Variants in MAGI2 observed in about 807,000 individuals in gnomAD.
MAGI2 encodes the protein membrane associated guanylate kinase, WW and PDZ domain containing 2, also known as membrane-associated guanylate kinase, WW and PDZ domain-containing protein 2.
MAGI2 carries 35 observed loss-of-function variants against 133.3 expected under a neutral mutation model. That is an observed-to-expected ratio of 0.26 (90% CI 0.20 to 0.35). MAGI2 has a LOEUF of 0.35. MAGI2 is among the 10% of genes least tolerant of loss of function. The pLI is 1.00. For synonymous variants in MAGI2, 729 were observed against 710.6 expected (o/e 1.03, Z -0.41); for missense variants, 1,636 against 1,863.4 (o/e 0.88, Z 2.25).
At chr7:78,424,170 T>A (rs117836946) in intron 6 of MAGI2, among the ~76,000 whole-genome samples, 1 of 152,234 alleles carries the variant, frequency 6.6e-6, no homozygotes, top group East Asian at 1.9e-4. Context: ...TCTACAGACT[T>A]GGTGCCCTGT....
chr7:78,739,093 G>A (rs1822146713), intron 2 of MAGI2, among the ~76,000 whole-genome samples: 1 of 152,160 alleles, frequency 6.6e-6, no homozygotes, highest in Non-Finnish European at 1.5e-5. Context: ...AGCATTGATT[G>A]TTTTCAAGTA....
intron 1 of MAGI2, among the ~76,000 whole-genome samples, chr7:79,258,313 GC>G (rs770594273): frequency 2.6e-5 from 4 of 152,162 alleles, no homozygotes; most frequent in Admixed American, 6.5e-5. Context: ...AAAATAAATT[GC>G]TTTTAAATAA....
Position 78,081,980 on chromosome 7 carries a change from G to C in MAGI2, c.3568-2895C>G, listed in dbSNP as rs552716120. Among the ~76,000 whole-genome samples, 6 of 152,286 alleles carry C rather than the reference G, an allele frequency of 3.9e-5. No individual in the cohort carries two copies. In the South Asian group the frequency reaches 1.2e-3, roughly 32 times the overall value. On this transcript the variant is annotated intron_variant, in intron 20 of 21. Transcript: ENST00000354212. Reference sequence around the variant, plus strand: ...AGGTGCACTGAATATATTGGTGAATGAGTGAAGTACTTCCACATGGGTTAT... The same window carrying C: ...AGGTGCACTGAATATATTGGTGAATCAGTGAAGTACTTCCACATGGGTTAT...
chr7:79,391,886 A>G (rs943595722), intron 1 of MAGI2, among the ~76,000 whole-genome samples: 6 of 151,862 alleles, frequency 4.0e-5, no homozygotes, highest in Admixed American at 2.6e-4. Context: ...GGGTTTCACC[A>G]TGTTAGCCAG....
chr7:79,219,907 A>C (rs551814633), intron 1 of MAGI2, among the ~76,000 whole-genome samples: 2 of 152,168 alleles, frequency 1.3e-5, no homozygotes, highest in South Asian at 4.1e-4. Flanking sequence ...TTCCTATAGA[A>C]AATTGAGATT....
At chr7:78,688,187 G>A (rs569026829) in intron 2 of MAGI2, among the ~76,000 whole-genome samples, 1 of 152,056 alleles carries the variant, frequency 6.6e-6, no homozygotes, top group Non-Finnish European at 1.5e-5. Context: ...AAGGCTTTGT[G>A]GTAGCTGTAC....
At chr7:78,858,735 TG>T (rs1793880919) in intron 2 of MAGI2, among the ~76,000 whole-genome samples, 1 of 152,210 alleles carries the variant, frequency 6.6e-6, no homozygotes, top group Non-Finnish European at 1.5e-5. Flanking sequence ...TCTGTTAATT[TG>T]GGGTGGAGAG....
At chr7:79,267,823 TAGG>T (rs1364174153) in intron 1 of MAGI2, among the ~76,000 whole-genome samples, 2 of 152,144 alleles carry the variant, frequency 1.3e-5, no homozygotes, top group African/African-American at 2.4e-5. Flanking sequence ...ACCCTCTTCA[TAGG>T]AGAAATGCAG....
At chr7:79,362,708 G>A (rs980956285) in intron 1 of MAGI2, among the ~76,000 whole-genome samples, 1 of 151,950 alleles carries the variant, frequency 6.6e-6, no homozygotes, top group African/African-American at 2.4e-5. Flanking sequence ...AATGAATGCA[G>A]ATAAAGCCTT....
chr7:78,628,909 T>G (rs1301756997), intron 2 of MAGI2, among the ~76,000 whole-genome samples: 1 of 151,624 alleles, frequency 6.6e-6, no homozygotes, highest in Non-Finnish European at 1.5e-5. Flanking sequence ...TTCTGTTTAT[T>G]TAGAACACAC....
intron 1 of MAGI2, among the ~76,000 whole-genome samples, chr7:79,113,728 G>T (rs917347621): frequency 2.6e-5 from 4 of 151,972 alleles, no homozygotes; most frequent in African/African-American, 9.7e-5. Context: ...ACTGAAATTT[G>T]TGCACATTGT....
chr7:78,183,967 G>T (rs34697981), intron 13 of MAGI2, among the ~76,000 whole-genome samples: 3 of 151,948 alleles, frequency 2.0e-5, no homozygotes, highest in African/African-American at 7.2e-5. Context: ...TCTTCAAAAT[G>T]TGAATTGCAC....
intron 4 of MAGI2, among the ~76,000 whole-genome samples, chr7:78,505,380 T>C (rs1794993497): frequency 6.6e-6 from 1 of 152,180 alleles, no homozygotes; most frequent in Non-Finnish European, 1.5e-5. Flanking sequence ...CCCTTAATGA[T>C]AGAGTCTCCT....
chr7:78,026,126 C>A (rs1195314586), intron 21 of MAGI2: 1 of 152,518 alleles, frequency 6.6e-6, no homozygotes, highest in Non-Finnish European at 1.5e-5. Flanking sequence ...ATTGATTAAT[C>A]CATAAGTACA....
chr7:79,028,235 G>GTGTATA (rs1491124887), intron 1 of MAGI2, among the ~76,000 whole-genome samples: 6 of 29,328 alleles, frequency 2.0e-4, no homozygotes, highest in East Asian at 1.1e-3. Context: ...ATATATGTAT[G>GTGTATA]TATATATATA....
At position 79,309,268 on chromosome 7, in the gene MAGI2, A is replaced by G. The variant is rs375961627; in HGVS notation, c.301+143752T>C. ...ACATGCAGGATGGAAGAAGAATAAA[A>G]GGCAATACATATAGATAAATCTTTC... On this transcript the variant is annotated intron_variant, in intron 1 of 21. Coordinates refer to ENST00000354212, the MANE Select transcript of MAGI2 (RefSeq NM_012301.4). Among the ~76,000 whole-genome samples, 11 of 152,114 alleles carry G rather than the reference A, an allele frequency of 7.2e-5. No individual in the cohort carries two copies. The East Asian group carries it at 1.5e-3, about 21-fold the overall frequency.
At chr7:78,024,528 C>A (rs948407161) in intron 21 of MAGI2, among the ~76,000 whole-genome samples, 1 of 152,190 alleles carries the variant, frequency 6.6e-6, no homozygotes, top group Non-Finnish European at 1.5e-5. Flanking sequence ...TCCTTTCTCT[C>A]CCTTACTGCA....
chr7:78,727,636 T>C (rs570694108), intron 2 of MAGI2, among the ~76,000 whole-genome samples: 69 of 152,310 alleles, frequency 4.5e-4, no homozygotes, highest in African/African-American at 1.6e-3. Flanking sequence ...ATGAAGGATA[T>C]TGTGAGGTTT....
chr7:78,686,415 A>G (rs1037976765), intron 2 of MAGI2, among the ~76,000 whole-genome samples: 2 of 152,174 alleles, frequency 1.3e-5, no homozygotes, highest in African/African-American at 4.8e-5. Flanking sequence ...GCCCTTCTTC[A>G]TTAATATTAG....
Sources: gnomAD v4.1 joint callset for allele counts (sites outside exome capture counted in the v4.1 genomes callset) on GRCh38, gnomAD v4.1.1 for gene constraint, MANE v1.5 for transcripts, NCBI Gene and HGNC (gene_info 2026-07-23, HGNC 2026-07-21) for gene names.